COL4A2: variants seen among roughly 807,000 people sequenced by gnomAD.
COL4A2 encodes the protein collagen alpha-2(IV) chain.
A neutral mutation model predicts 200.2 loss-of-function variants in COL4A2; 99 were observed. The observed-to-expected ratio is 0.49, with a 90% CI of 0.42 to 0.58. COL4A2 has a LOEUF of 0.58. Among genes scored for constraint, COL4A2 ranks in the 20% least tolerant of loss-of-function variants. COL4A2 has a pLI of 0.00. For synonymous variants in COL4A2, 897 were observed against 900.6 expected (o/e 1.00, Z 0.07); for missense variants, 1,950 against 2,314.1 (o/e 0.84, Z 3.23).
chr13:110,446,994 A>AG (rs1260173253), intron 18 of COL4A2, 130 bp downstream of exon 18: 4 of 550,600 alleles, frequency 7.3e-6, no homozygotes, highest in Admixed American at 3.8e-5. Context: ...ATAATAATAA[A>AG]AAAAATAAAA....
chr13:110,330,504 T>C (rs2139360924), intron 3 of COL4A2, among the ~76,000 whole-genome samples: 1 of 152,308 alleles, frequency 6.6e-6, no homozygotes, highest in Middle Eastern at 3.4e-3. Context: ...CATCTGCCTG[T>C]TCACAATTCA....
chr13:110,482,668 C>G lies in COL4A2; in HGVS notation c.2902+9C>G, dbSNP rs1368028290. 2.5e-6 allele frequency: 4 copies of G among 1,612,692 alleles called. No individual in the cohort carries two copies. Among genetic ancestry groups the G allele is most frequent in the Admixed American group, 1.7e-5 (1 of 59,970 alleles). ...TGAGCCAGGTTTTAAAGGTATGTCC[C>G]TCTCTTAACATCCTCCTTACCTGGT... On this transcript the variant is annotated intron_variant, in intron 32 of 47. Transcript: ENST00000360467.
At chr13:110,456,617 T>C in intron 20 of COL4A2, 1 of 377,912 alleles carries the variant, frequency 2.6e-6, no homozygotes. Context: ...CTAAGTTTTC[T>C]TTTGAAAAAA....
At chr13:110,338,877 G>A (rs1317607525) in intron 3 of COL4A2, among the ~76,000 whole-genome samples, 20 of 152,224 alleles carry the variant, frequency 1.3e-4, no homozygotes, top group Non-Finnish European at 1.5e-5. Flanking sequence ...AGGAGCTCGG[G>A]TTTTTGTTTG....
rs116780997 is a variant in COL4A2 at position 110,349,550 on chromosome 13, G to A, written c.100-7922G>A. Among the ~76,000 whole-genome samples, 1,412 of 152,290 alleles carry A rather than the reference G, an allele frequency of 9.3e-3. 24 individuals are homozygous for A. The highest frequency in any genetic ancestry group is 0.033 in the African/African-American group (1,360 of 41,548). On this transcript the variant is annotated intron_variant, in intron 3 of 47. Transcript: ENST00000360467. ...TTGATAAATGACAGAGTCTCTGCTG[G>A]CAGCCAGGCAGCTAGTGACTCCAAG...
intron 28 of COL4A2, among the ~76,000 whole-genome samples, chr13:110,470,605 C>T (rs989166622): frequency 1.3e-5 from 2 of 152,184 alleles, no homozygotes; most frequent in Non-Finnish European, 1.5e-5. Flanking sequence ...TTCTAGGACC[C>T]CCACTTATCA....
intron 4 of COL4A2, among the ~76,000 whole-genome samples, chr13:110,381,783 C>T (rs959595074): frequency 6.6e-6 from 1 of 152,202 alleles, no homozygotes; most frequent in South Asian, 2.1e-4. Context: ...GTAAACCACA[C>T]AGCCAAGCAC....
At chr13:110,489,662 A>T (rs409345) in intron 35 of COL4A2, 49 bp from the exon 36 acceptor site, 1 of 1,611,512 alleles carries the variant, frequency 6.2e-7, no homozygotes, top group East Asian at 2.2e-5. Flanking sequence ...AAACTCACAA[A>T]GTCCCAGTGG....
At chr13:110,415,594 A>ATATATG (rs1183059912) in intron 4 of COL4A2, among the ~76,000 whole-genome samples, 3 of 152,196 alleles carry the variant, frequency 2.0e-5, no homozygotes, top group Admixed American at 2.0e-4. Context: ...AGCGGAACCA[A>ATATATG]CTCAATATAA....
chr13:110,466,920 C>A, intron 26 of COL4A2, 120 bp from the exon 27 acceptor site: 1 of 1,244,462 alleles, frequency 8.0e-7, no homozygotes. Context: ...TTAAGTTACT[C>A]TGATCCCAGA....
chr13:110,338,102 A>G (rs1481891007), intron 3 of COL4A2, among the ~76,000 whole-genome samples: 1 of 152,192 alleles, frequency 6.6e-6, no homozygotes, highest in Non-Finnish European at 1.5e-5. Flanking sequence ...TGATTTTTAA[A>G]TTAGATCTTT....
chr13:110,485,543 A>G, intron 33 of COL4A2, 112 bp from the exon 34 acceptor site: 2 of 593,242 alleles, frequency 3.4e-6, no homozygotes, highest in South Asian at 2.7e-5. Flanking sequence ...AAAAAAAAAA[A>G]AAAGATTCAC....
At chr13:110,488,872 C>T (rs561675904) in intron 34 of COL4A2, among the ~76,000 whole-genome samples, 5 of 152,308 alleles carry the variant, frequency 3.3e-5, no homozygotes, top group Admixed American at 1.3e-4. Flanking sequence ...AGACCTGGGC[C>T]ACTGATGCTC....
At chr13:110,438,805 C>T (rs1232583169) in intron 15 of COL4A2, 137 bp downstream of exon 15, 1 of 669,676 alleles carries the variant, frequency 1.5e-6, no homozygotes, top group Non-Finnish European at 2.5e-6. Context: ...ACTCCCCACC[C>T]CCCCCCACAC....
At chr13:110,447,985 G>T (rs957893543) in intron 18 of COL4A2, among the ~76,000 whole-genome samples, 1 of 152,200 alleles carries the variant, frequency 6.6e-6, no homozygotes, top group Admixed American at 6.5e-5. Flanking sequence ...GCCATGGGCA[G>T]TGCCTCCAGG....
In COL4A2 at chr13:110,485,070, G is replaced by A. The variant is rs535343156; in HGVS notation, c.3025+43G>A. ...CAGCCAGGGGCCCCTAGTCCCTGCC[G>A]CCCCAGCCCGCACCAGCTCGTGCCC... On this transcript the variant is annotated intron_variant, in intron 33 of 47. Transcript: ENST00000360467. The A allele has an allele frequency of 5.5e-4, 823 of 1,501,862 alleles. 4 individuals are homozygous for A. In the South Asian group the frequency reaches 8.5e-3, roughly 16 times the overall value. 93.0% of individuals were successfully genotyped at this position (1,501,862 alleles called of 1,614,324 possible).
intron 4 of COL4A2, among the ~76,000 whole-genome samples, chr13:110,386,239 C>T (rs147308460): frequency 7.9e-5 from 12 of 152,280 alleles, no homozygotes; most frequent in Non-Finnish European, 1.2e-4. Context: ...TGTTGAGAAA[C>T]GCTAAGTAGC....
At chr13:110,469,373 C>G (rs1399049829) in intron 28 of COL4A2, 49 bp downstream of exon 28, 3 of 1,524,718 alleles carry the variant, frequency 2.0e-6, no homozygotes, top group East Asian at 2.4e-5. Context: ...CAGCGGGAAC[C>G]TGTGTGTGAT....
chr13:110,400,361 G>A (rs993206382), intron 4 of COL4A2, among the ~76,000 whole-genome samples: 2 of 152,150 alleles, frequency 1.3e-5, no homozygotes, highest in African/African-American at 2.4e-5. Context: ...TTGGTCAGAC[G>A]GAAATGTTCA....
Sources: gnomAD v4.1 joint callset for allele counts (sites outside exome capture counted in the v4.1 genomes callset) on GRCh38, gnomAD v4.1.1 for gene constraint, MANE v1.5 for transcripts, NCBI Gene and HGNC (gene_info 2026-07-23, HGNC 2026-07-21) for gene names.